SRGAP1: variants seen among roughly 807,000 people sequenced by gnomAD.
SRGAP1 encodes the protein SLIT-ROBO Rho GTPase activating protein 1.
In SRGAP1, 43 loss-of-function variants were observed where a neutral mutation model predicts 121.9. That is an observed-to-expected ratio of 0.35 (90% CI 0.28 to 0.46). The LOEUF is 0.46. SRGAP1 is among the 20% of genes least tolerant of loss of function. The probability of loss-of-function intolerance (pLI) is 1.00; values close to 1 mark genes in which losing one functional copy is unlikely to be tolerated. For missense variants in SRGAP1, 1,102 were observed against 1,350.9 expected, an observed-to-expected ratio of 0.82 and a Z score of 2.89; for synonymous variants, 447 against 485.4, an observed-to-expected ratio of 0.92 and a Z score of 1.04.
intron 4 of SRGAP1, among the ~76,000 whole-genome samples, chr12:64,028,446 C>T (rs1200087963): frequency 6.6e-6 from 1 of 152,224 alleles, no homozygotes; most frequent in Non-Finnish European, 1.5e-5. Context: ...TGAGAATAAA[C>T]AAGTGAGCAC....
chr12:64,074,111 A>T (rs1433572592), intron 8 of SRGAP1, among the ~76,000 whole-genome samples: 1 of 152,234 alleles, frequency 6.6e-6, no homozygotes, highest in East Asian at 1.9e-4. Context: ...TTGCTATTTA[A>T]GCCATCTGTT....
At chr12:63,893,984 A>G (rs1311271027) in intron 1 of SRGAP1, among the ~76,000 whole-genome samples, 1 of 152,158 alleles carries the variant, frequency 6.6e-6, no homozygotes, top group Non-Finnish European at 1.5e-5. Context: ...GACTACAGGC[A>G]TCCGCCACCA....
At chr12:64,080,180 T>C in intron 9 of SRGAP1, 106 bp from the exon 10 acceptor site, 1 of 813,028 alleles carries the variant, frequency 1.2e-6, no homozygotes, top group South Asian at 1.8e-5. Context: ...GAGGAAGAGG[T>C]TGCAGTGAGC....
chr12:63,996,238 C>T (rs932137445), intron 3 of SRGAP1, among the ~76,000 whole-genome samples: 9 of 151,804 alleles, frequency 5.9e-5, no homozygotes, highest in African/African-American at 2.2e-4. Flanking sequence ...TATGTGTATA[C>T]ATATACTTAA....
At chr12:64,012,457 T>C (rs972748699) in intron 3 of SRGAP1, among the ~76,000 whole-genome samples, 1 of 152,032 alleles carries the variant, frequency 6.6e-6, no homozygotes, top group African/African-American at 2.4e-5. Flanking sequence ...ATTGATTGCT[T>C]TTCTTAATAC....
intron 1 of SRGAP1, among the ~76,000 whole-genome samples, chr12:63,875,236 G>A (rs2136280880): frequency 6.6e-6 from 1 of 152,232 alleles, no homozygotes; most frequent in Middle Eastern, 3.4e-3. Flanking sequence ...ATACAAGCTG[G>A]CTCTAATACC....
intron 1 of SRGAP1, among the ~76,000 whole-genome samples, chr12:63,974,857 T>A (rs891085110): frequency 5.9e-5 from 9 of 152,264 alleles, no homozygotes; most frequent in Admixed American, 3.9e-4. Context: ...AATATCATTT[T>A]GAGTTTATTT....
chr12:63,858,983 G>A (rs1167666423), intron 1 of SRGAP1, among the ~76,000 whole-genome samples: 3 of 152,066 alleles, frequency 2.0e-5, no homozygotes, highest in African/African-American at 7.2e-5. Flanking sequence ...GATTACAGGC[G>A]TGAGCCACTG....
intron 21 of SRGAP1, among the ~76,000 whole-genome samples, chr12:64,134,218 G>A (rs1038929007): frequency 6.6e-6 from 1 of 151,954 alleles, no homozygotes; most frequent in Non-Finnish European, 1.5e-5. Context: ...TCAGGAGATT[G>A]AGACCATCCT....
chr12:64,044,739 T>C (rs1358226322), intron 6 of SRGAP1, among the ~76,000 whole-genome samples: 1 of 142,610 alleles, frequency 7.0e-6, no homozygotes, highest in Non-Finnish European at 1.5e-5. Context: ...TTTAGTGCAC[T>C]GGCACTATCG....
chr12:64,103,939 T>C (rs534567093), intron 15 of SRGAP1, among the ~76,000 whole-genome samples: 1 of 152,352 alleles, frequency 6.6e-6, no homozygotes, highest in African/African-American at 2.4e-5. Context: ...TACATTCATC[T>C]TGAATGCCAG....
At chr12:63,943,352 A>G (rs773891112) in intron 1 of SRGAP1, among the ~76,000 whole-genome samples, 6 of 152,218 alleles carry the variant, frequency 3.9e-5, no homozygotes, top group Non-Finnish European at 8.8e-5. Context: ...TATCCCACAG[A>G]GTTAGTTAAT....
chr12:64,082,259 A>G (rs571661115), intron 10 of SRGAP1, among the ~76,000 whole-genome samples: 1 of 151,984 alleles, frequency 6.6e-6, no homozygotes, highest in Admixed American at 6.6e-5. Context: ...TGAAACTTTT[A>G]TGGTACCTAT....
intron 21 of SRGAP1, among the ~76,000 whole-genome samples, chr12:64,141,971 AGAGT>A (rs2036972135): frequency 6.6e-6 from 1 of 152,192 alleles, no homozygotes; most frequent in African/African-American, 2.4e-5. Context: ...CCTGGCTAAC[AGAGT>A]GAGACCCTGC....
intron 3 of SRGAP1, among the ~76,000 whole-genome samples, chr12:63,992,524 G>A (rs1390377568): frequency 6.6e-6 from 1 of 152,060 alleles, no homozygotes; most frequent in African/African-American, 2.4e-5. Context: ...CTTGGAGTGA[G>A]GCAGCTCCCT....
chr12:63,925,004 AGTG>A (rs76229205), intron 1 of SRGAP1, among the ~76,000 whole-genome samples: 4,627 of 152,300 alleles, frequency 0.03, 113 homozygotes, highest in Middle Eastern at 0.068. Flanking sequence ...ATGGCTCTCA[AGTG>A]GTGTCATTTT....
At chr12:64,004,165 T>A (rs1333790400) in intron 3 of SRGAP1, among the ~76,000 whole-genome samples, 1 of 152,062 alleles carries the variant, frequency 6.6e-6, no homozygotes, top group Non-Finnish European at 1.5e-5. Context: ...TTAAAAGAAA[T>A]ATTCCAGTTT....
chr12:64,147,217 A>G lies in SRGAP1; in HGVS notation c.*4545A>G. ...TTGTCCTTTCCTGTCGGTTTGATCA[A>G]TTGCGGTACCGGTAGCTTCCTGCTT... On this transcript the variant is annotated 3_prime_UTR_variant, in exon 22 of 22. Coordinates refer to ENST00000355086, the MANE Select transcript of SRGAP1 (RefSeq NM_020762.4). 1 of 339,300 alleles carries G rather than the reference A, an allele frequency of 2.9e-6. No individual in the cohort carries two copies. Among genetic ancestry groups the G allele is most frequent in the Admixed American group, 4.8e-5 (1 of 20,824 alleles). 21.0% of individuals were successfully genotyped at this position (339,300 alleles called of 1,614,324 possible). A position where few individuals can be genotyped will look rare whatever the true frequency, so the allele number is the denominator to read the frequency against.
chr12:64,107,727 A>G (rs558338051), intron 15 of SRGAP1, among the ~76,000 whole-genome samples: 8 of 152,340 alleles, frequency 5.3e-5, no homozygotes, highest in Non-Finnish European at 7.3e-5. Flanking sequence ...AAGTATTTTC[A>G]TGAATATCTC....
Sources: allele counts gnomAD v4.1 joint callset (sites outside exome capture counted in the v4.1 genomes callset), GRCh38; gene constraint gnomAD v4.1.1; transcripts MANE v1.5; gene names NCBI Gene and HGNC (gene_info 2026-07-23, HGNC 2026-07-21).